TRIM50: variants seen among roughly 807,000 people sequenced by gnomAD.
TRIM50 encodes E3 ubiquitin-protein ligase TRIM50.
A neutral mutation model predicts 44.9 loss-of-function variants in TRIM50; 34 were observed. That is an observed-to-expected ratio of 0.76 (90% confidence interval 0.58 to 1.01). TRIM50 has a LOEUF of 1.01. Ranked by LOEUF, TRIM50 falls within the 50% of genes least tolerant of loss-of-function variation. TRIM50 has a pLI of 0.00. For synonymous variants in TRIM50, 307 were observed against 291.1 expected (o/e 1.05, Z -0.56); for missense variants, 633 against 663.7 (o/e 0.95, Z 0.51).
At chr7:73,315,841 T>C (rs1287251245) in intron 6 of TRIM50, among the ~76,000 whole-genome samples, 2 of 152,198 alleles carry the variant, frequency 1.3e-5, no homozygotes, top group African/African-American at 4.8e-5. Flanking sequence ...TGAAGACCAC[T>C]TGTCCTTTGA....
Position 73,314,330 on chromosome 7 carries a change from C to G in TRIM50, c.875-820G>C, listed in dbSNP as rs1241774610. 1.1e-5 allele frequency: 4 copies of G among 363,664 alleles called. No individual in the cohort carries two copies. The East Asian group carries it at 2.3e-4, about 21-fold the overall frequency. 22.5% of individuals were successfully genotyped at this position (363,664 alleles called of 1,614,324 possible). A position where few individuals can be genotyped will look rare whatever the true frequency, so the allele number is the denominator to read the frequency against. On this transcript the variant is annotated intron_variant, in intron 6 of 6. Transcript: ENST00000333149. The stretch of plus-strand genomic sequence containing the variant: ...AGCCATCCTCTATAAGTAGCAGAAA[C>G]TGTCTCCTGCTATTAACCAGTTCAC...
chr7:73,320,234 G>A lies in TRIM50; in HGVS notation c.408C>T (p.Leu136=), dbSNP rs782176656. The change falls in exon 3 of 7, where the codon CTC becomes CTT. Residue 136 remains leucine (L), a synonymous_variant. Transcript: ENST00000333149. ...STVYSRMKEE[L]AALISELKQE... ...GCTTCAGCTCAGAGATGAGGGCTGC[G>A]AGCTCCTCCTGGAGGCAACAGGCCA... The A allele has an allele frequency of 9.9e-6, 16 of 1,613,850 alleles. No individual in the cohort carries two copies. The highest frequency in any genetic ancestry group is 3.3e-5 in the Admixed American group (2 of 59,982).
At chr7:73,318,801 G>T (rs1554544510) in intron 4 of TRIM50, 21 bp downstream of exon 4, 2 of 1,614,002 alleles carry the variant, frequency 1.2e-6, no homozygotes, top group Non-Finnish European at 8.5e-7. Context: ...ATGGGGATGG[G>T]ACGCCTCCCT....
At position 73,315,203 on chromosome 7, in the gene TRIM50, C is replaced by T. The variant is rs373385951; in HGVS notation, c.874+1362G>A. 6 of 213,704 alleles carry T rather than the reference C, an allele frequency of 2.8e-5. No homozygotes were observed. In the East Asian group the frequency reaches 5.2e-4, roughly 19 times the overall value. 13.2% of individuals were successfully genotyped at this position (213,704 alleles called of 1,614,324 possible). Reference sequence around the variant, plus strand: ...AAGGCAAAGACTAAAGAAACTACCACTAAACTGGGTAAAACGTACACTGTT... The same window carrying T: ...AAGGCAAAGACTAAAGAAACTACCATTAAACTGGGTAAAACGTACACTGTT... On this transcript the variant is annotated intron_variant, in intron 6 of 6. Coordinates refer to ENST00000333149, the MANE Select transcript of TRIM50 (RefSeq NM_178125.3).
chr7:73,320,389 C>T (rs1554544876), intron 2 of TRIM50, 147 bp from the exon 3 acceptor site: 1 of 1,134,898 alleles, frequency 8.8e-7, no homozygotes, highest in African/African-American at 1.5e-5. Flanking sequence ...ACCCTTGAGT[C>T]CAAAACAGGT....
At chr7:73,320,833 G>T (rs1804478077) in intron 2 of TRIM50, among the ~76,000 whole-genome samples, 1 of 151,534 alleles carries the variant, frequency 6.6e-6, no homozygotes, top group Non-Finnish European at 1.5e-5. Context: ...TTCGAGACCA[G>T]CCTCAACATG....
intron 2 of TRIM50, among the ~76,000 whole-genome samples, chr7:73,324,148 AT>A (rs1804557198): frequency 6.6e-6 from 1 of 152,256 alleles, no homozygotes; most frequent in African/African-American, 2.4e-5. Context: ...AGAACTGCAA[AT>A]AAAAAAACAG....
At chr7:73,316,020 A>G (rs1425137771) in intron 6 of TRIM50, among the ~76,000 whole-genome samples, 1 of 151,638 alleles carries the variant, frequency 6.6e-6, no homozygotes, top group African/African-American at 2.4e-5. Context: ...AGCTGGGATT[A>G]CAGGCGCACA....
rs372424421 is a variant in TRIM50 at position 73,313,166 on chromosome 7, C to T, written c.1219G>A (p.Val407Met). The change falls in exon 7 of 7, where the codon GTG (valine) becomes ATG (methionine). Residue 407 changes from valine (V) to methionine (M), a missense_variant. Physicochemically the swap from Val to Met is conservative, Grantham distance 21. Transcript: ENST00000333149. The surrounding 1 kb of genome is among the most constrained non-coding windows in gnomAD (Gnocchi z 4.9). ...CCGATGCGGTGGGGGTGGCCGGCCACGGGCAGGGGTACCCGGGGGCAGGCA... is the reference window on the plus strand; with the variant it reads ...CCGATGCGGTGGGGGTGGCCGGCCATGGGCAGGGGTACCCGGGGGCAGGCA... ...AFACPRVPLP[V>M]AGHPHRIGLY... 6 of 1,588,222 alleles carry T rather than the reference C, an allele frequency of 3.8e-6. No homozygotes were observed. The highest frequency in any genetic ancestry group is 2.7e-5 in the African/African-American group (2 of 74,604).
At position 73,312,917 on chromosome 7, in the gene TRIM50, G is replaced by C; in HGVS notation, c.*4C>G. Reference sequence around the variant, plus strand: ...CCTGTGGGCCGGCAGGACTCCGGGCGGCCCTACAGCTTGGTGGGCTGCTCG... The same window carrying C: ...CCTGTGGGCCGGCAGGACTCCGGGCCGCCCTACAGCTTGGTGGGCTGCTCG... On this transcript the variant is annotated 3_prime_UTR_variant, in exon 7 of 7. Coordinates refer to ENST00000333149, the MANE Select transcript of TRIM50 (RefSeq NM_178125.3). The C allele has an allele frequency of 6.5e-7, 1 of 1,526,838 alleles. No individual in the cohort carries two copies. The highest frequency in any genetic ancestry group is 8.8e-7 in the Non-Finnish European group (1 of 1,136,926). 94.6% of individuals were successfully genotyped at this position (1,526,838 alleles called of 1,614,324 possible). A position where few individuals can be genotyped will look rare whatever the true frequency, so the allele number is the denominator to read the frequency against.
intron 2 of TRIM50, among the ~76,000 whole-genome samples, chr7:73,322,179 C>A (rs1292550213): frequency 6.6e-6 from 1 of 152,084 alleles, no homozygotes; most frequent in Non-Finnish European, 1.5e-5. Context: ...GAAACCCCGC[C>A]TCTACTAAAA....
intron 1 of TRIM50, among the ~76,000 whole-genome samples, chr7:73,327,550 G>A (rs1456831940): frequency 6.6e-6 from 1 of 152,214 alleles, no homozygotes; most frequent in African/African-American, 2.4e-5. Flanking sequence ...CAATGGAAGA[G>A]AGAAAGTGAA....
At chr7:73,322,520 A>G (rs1163464109) in intron 2 of TRIM50, among the ~76,000 whole-genome samples, 2 of 152,014 alleles carry the variant, frequency 1.3e-5, no homozygotes, top group Admixed American at 6.6e-5. Flanking sequence ...TCCACCTTCC[A>G]TACTCCCCTA....
intron 5 of TRIM50, among the ~76,000 whole-genome samples, chr7:73,317,444 A>G (rs1583777965): frequency 7.2e-6 from 1 of 138,202 alleles, no homozygotes; most frequent in South Asian, 2.3e-4. Context: ...TGAAACCTCT[A>G]CCTCCCAGGT....
intron 6 of TRIM50, chr7:73,314,894 A>G: frequency 4.6e-6 from 1 of 215,690 alleles, no homozygotes; most frequent in South Asian, 6.4e-5. Context: ...GACTCCACGC[A>G]ACATGGGTCC....
intron 1 of TRIM50, among the ~76,000 whole-genome samples, chr7:73,327,472 G>GGGCACAGAATCC (rs1804664724): frequency 6.6e-6 from 1 of 152,096 alleles, no homozygotes; most frequent in Admixed American, 6.6e-5. Context: ...GGCTCAGAAC[G>GGGCACAGAATCC]AGCCTCTGTC....
Position 73,313,147 on chromosome 7 carries a change from C to G in TRIM50, c.1238G>C (p.Arg413Pro). 6.3e-7 allele frequency: 1 copy of G among 1,589,514 alleles called. No individual in the cohort carries two copies. The highest frequency in any genetic ancestry group is 1.1e-5 in the South Asian group (1 of 87,624). ...VPLPVAGHPH[R>P]IGLYLHYEQG... ...CTCATAGTGCAGGTAGAGCCCGATG[C>G]GGTGGGGGTGGCCGGCCACGGGCAG... The change falls in exon 7 of 7, where the codon CGC becomes CCC. Residue 413 changes from arginine to proline, a missense_variant. Arg to Pro is a moderately radical substitution (Grantham distance 103). Coordinates refer to ENST00000333149, the MANE Select transcript of TRIM50 (RefSeq NM_178125.3). The surrounding 1 kb of genome is among the most constrained non-coding windows in gnomAD (Gnocchi z 4.9).
chr7:73,314,602 A>T lies in TRIM50; in HGVS notation c.875-1092T>A, dbSNP rs150704839. 2.1e-3 allele frequency: 540 copies of T among 261,348 alleles called. 3 individuals carry two copies. The highest frequency in any genetic ancestry group is 1.5e-3 in the Non-Finnish European group (196 of 132,844). 16.2% of individuals were successfully genotyped at this position (261,348 alleles called of 1,614,324 possible). A position where few individuals can be genotyped will look rare whatever the true frequency, so the allele number is the denominator to read the frequency against. On this transcript the variant is annotated intron_variant, in intron 6 of 6. Coordinates refer to ENST00000333149, the MANE Select transcript of TRIM50 (RefSeq NM_178125.3). ...AGTGGCTCATGCCTGTCATCTCAGC[A>T]CTTTGGGAGGCTGAGACAGGCAGAT...
At position 73,316,673 on chromosome 7, in the gene TRIM50, CCTGCGGCATCTCTGCT is replaced by C; in HGVS notation, c.750_765del (p.Ala251ProfsTer4). 6.2e-7 allele frequency: 1 copy of C among 1,614,064 alleles called. No individual in the cohort carries two copies. Among genetic ancestry groups the C allele is most frequent in the South Asian group, 1.1e-5 (1 of 91,070 alleles). On this transcript the variant is annotated frameshift_variant and splice_region_variant, in exon 6 of 7. Transcript: ENST00000333149. LOFTEE classifies it high-confidence loss of function. ...CTGAATGCGCCTTCTAAGGGCCGGG[CCTGCGGCATCTCTGCT>C]CTGCAGGTGACAGTTCACAGTACAA...
Sources: gnomAD v4.1 joint callset for allele counts (sites outside exome capture counted in the v4.1 genomes callset) on GRCh38, gnomAD v4.1.1 for gene constraint, Gnocchi (gnomAD v3.1) non-coding constraint, MANE v1.5 for transcripts, NCBI Gene and HGNC (gene_info 2026-07-23, HGNC 2026-07-21) for gene names.